The following TCP11L2 variants were observed in gnomAD, a reference collection of about 807,000 sequenced individuals.
The protein encoded by TCP11L2 is T-complex protein 11-like protein 2.
Under a neutral mutation model 50.7 loss-of-function variants are expected in TCP11L2, and 39 were observed. The ratio of observed to expected loss-of-function variants is 0.77; its 90% CI spans 0.60 to 1.01. The LOEUF (loss-of-function observed/expected upper bound fraction) is 1.01, where lower values mean the gene tolerates loss of function less well. TCP11L2 is among the 50% of genes least tolerant of loss of function. TCP11L2 has a pLI of 0.00. For missense variants in TCP11L2, 612 were observed against 614.7 expected (o/e 1.00, Z 0.05); for synonymous variants, 192 against 219.3 (o/e 0.88, Z 1.10).
intron 3 of TCP11L2, among the ~76,000 whole-genome samples, chr12:106,315,109 G>A (rs371998884): frequency 1.1e-4 from 16 of 152,008 alleles, no homozygotes; most frequent in Admixed American, 4.6e-4. Flanking sequence ...GTGGTGGGGC[G>A]CGTGTAATCC....
intron 2 of TCP11L2, among the ~76,000 whole-genome samples, chr12:106,314,120 C>T (rs1430677700): frequency 6.6e-6 from 1 of 152,038 alleles, no homozygotes. Context: ...ATAAGTTGGT[C>T]TCATAAATAT....
rs946673630 is a variant in TCP11L2 at position 106,346,958 on chromosome 12, A to G, written c.*428A>G. ...TAAAGGGTTGAAGGTTGTGACAATA[A>G]CTGAGGGAACTGATGTTCTGAATAA... On this transcript the variant is annotated 3_prime_UTR_variant, in exon 10 of 10. Transcript: ENST00000299045. 2 of 155,322 alleles carry G rather than the reference A, an allele frequency of 1.3e-5. No individual in the cohort carries two copies. Among genetic ancestry groups the G allele is most frequent in the African/African-American group, 4.8e-5 (2 of 41,566 alleles). 9.6% of individuals were successfully genotyped at this position (155,322 alleles called of 1,614,324 possible).
intron 8 of TCP11L2, among the ~76,000 whole-genome samples, chr12:106,337,044 A>G (rs1034627125): frequency 2.0e-5 from 3 of 146,478 alleles, no homozygotes; most frequent in Admixed American, 7.0e-5. Flanking sequence ...TTTTGCATTT[A>G]CATCATCCAA....
upstream of TCP11L2, among the ~76,000 whole-genome samples, chr12:106,300,834 T>C (rs980198083): frequency 7.2e-5 from 11 of 152,212 alleles, no homozygotes; most frequent in African/African-American, 2.2e-4. Context: ...GAGCTACATA[T>C]CTGAACTTTA....
At chr12:106,328,475 C>A (rs1184793981) in intron 6 of TCP11L2, among the ~76,000 whole-genome samples, 1 of 152,130 alleles carries the variant, frequency 6.6e-6, no homozygotes, top group African/African-American at 2.4e-5. Flanking sequence ...ACCTGGGAGG[C>A]GGAGGCTGCA....
rs1410135945 is a variant in TCP11L2, at chr12:106,346,485, T to C, written c.1515T>C (p.Asn505=). 6.2e-7 allele frequency: 1 copy of C among 1,613,990 alleles called. No homozygotes were observed. The highest frequency in any genetic ancestry group is 8.5e-7 in the Non-Finnish European group (1 of 1,180,008). The change falls in exon 10 of 10, where the codon AAT becomes AAC. Residue 505 remains asparagine (N), a synonymous_variant. Coordinates refer to ENST00000299045, the MANE Select transcript of TCP11L2 (RefSeq NM_152772.3). The stretch of plus-strand genomic sequence containing the variant: ...ATATACTTCGAAAGCTGCTCTTCAA[T>C]GAGGAAGCCATGGGGAAGGTAGATG... ...YANILRKLLF[N]EEAMGKVDAS...
intron 8 of TCP11L2, among the ~76,000 whole-genome samples, chr12:106,339,560 C>T (rs2036028330): frequency 6.6e-6 from 1 of 152,156 alleles, no homozygotes; most frequent in South Asian, 2.1e-4. Flanking sequence ...AGGCCTATGT[C>T]CATAATGGTG....
chr12:106,346,212 A>T, intron 9 of TCP11L2, 74 bp from the exon 10 acceptor site: 1 of 1,463,880 alleles, frequency 6.8e-7, no homozygotes, highest in Non-Finnish European at 9.2e-7. Context: ...ACCTACTACA[A>T]TTACTTGTTC....
At chr12:106,313,976 C>T (rs944958668) in intron 2 of TCP11L2, among the ~76,000 whole-genome samples, 4 of 152,054 alleles carry the variant, frequency 2.6e-5, no homozygotes, top group Non-Finnish European at 5.9e-5. Flanking sequence ...CCGTGTTAAC[C>T]AGGATGGTCT....
At chr12:106,319,494 A>G (rs2035257500) in intron 4 of TCP11L2, among the ~76,000 whole-genome samples, 1 of 152,236 alleles carries the variant, frequency 6.6e-6, no homozygotes, top group Non-Finnish European at 1.5e-5. Flanking sequence ...AGGCTGGAAA[A>G]ATAGTGCCAT....
chr12:106,311,139 C>A lies in TCP11L2; in HGVS notation c.64C>A (p.Arg22=). Residue 22 remains arginine (R), a synonymous_variant, in exon 2 of 10, where the codon CGG becomes AGG. Transcript: ENST00000299045. Reference sequence around the variant, plus strand: ...CCAGCCAAGCGATTCTGATTCTTCCCGGTTTTCCGAAAGCATGGCTTCGCT... The same window carrying A: ...CCAGCCAAGCGATTCTGATTCTTCCAGGTTTTCCGAAAGCATGGCTTCGCT... ...EDQPSDSDSS[R]FSESMASLSD... 1 of 1,614,172 alleles carries A rather than the reference C, an allele frequency of 6.2e-7. No homozygotes were observed. The highest frequency in any genetic ancestry group is 8.5e-7 in the Non-Finnish European group (1 of 1,180,034).
chr12:106,333,740 G>T (rs1035992663), intron 6 of TCP11L2, among the ~76,000 whole-genome samples: 4 of 152,056 alleles, frequency 2.6e-5, no homozygotes, highest in Admixed American at 1.3e-4. Flanking sequence ...TCTTACTATT[G>T]TCTATAGTCT....
chr12:106,310,865 G>A (rs1592930375), intron 1 of TCP11L2, among the ~76,000 whole-genome samples, 176 bp from the exon 2 acceptor site: 1 of 152,188 alleles, frequency 6.6e-6, no homozygotes, highest in South Asian at 2.1e-4. Flanking sequence ...AGGCAATCTC[G>A]ATGACCTAGT....
chr12:106,318,997 C>T (rs905432999), intron 4 of TCP11L2, among the ~76,000 whole-genome samples: 3 of 151,948 alleles, frequency 2.0e-5, no homozygotes, highest in Middle Eastern at 3.2e-3. Flanking sequence ...CTGCAAGCTC[C>T]GCTTCCCGGG....
At chr12:106,300,172 G>T (rs985795060), upstream of TCP11L2, among the ~76,000 whole-genome samples, 3 of 143,802 alleles carry the variant, frequency 2.1e-5, no homozygotes, top group Admixed American at 1.4e-4. Context: ...AGATTTTGTT[G>T]TTTTTTTTTT....
At chr12:106,314,516 A>T in intron 3 of TCP11L2, 23 bp downstream of exon 3, 1 of 1,595,582 alleles carries the variant, frequency 6.3e-7, no homozygotes. Context: ...CATTTGTTGT[A>T]TATAAACTGC....
At position 106,323,513 on chromosome 12, in the gene TCP11L2, A is replaced by G. The variant is rs756821064; in HGVS notation, c.639A>G (p.Gln213=). 6.9e-6 allele frequency: 11 copies of G among 1,589,072 alleles called. No individual in the cohort carries two copies. The highest frequency in any genetic ancestry group is 4.1e-5 in the African/African-American group (3 of 73,880). Residue 213 remains glutamine, a synonymous_variant, in exon 6 of 10, where the codon CAA becomes CAG. Transcript: ENST00000299045. ...ATGNIVEVLR[Q]IFHVLDLMQM... is the part of the protein sequence containing the mutation. The stretch of plus-strand genomic sequence containing the variant: ...ATTTTAATTCTAAAATTTTTAGACA[A>G]ATATTCCATGTCCTGGACCTCATGC...
chr12:106,311,373 C>T (rs1052370679), intron 2 of TCP11L2, 141 bp downstream of exon 2: 14 of 941,880 alleles, frequency 1.5e-5, no homozygotes, highest in Admixed American at 3.0e-5. Flanking sequence ...AGAGGCACTG[C>T]AGCTTTCCGG....
At chr12:106,314,335 A>C in intron 2 of TCP11L2, 23 bp from the exon 3 acceptor site, 1 of 1,592,098 alleles carries the variant, frequency 6.3e-7, no homozygotes, top group Non-Finnish European at 8.6e-7. Flanking sequence ...TGCAACATTA[A>C]CTGGCTTTTG....
Sources: allele counts gnomAD v4.1 joint callset (sites outside exome capture counted in the v4.1 genomes callset), GRCh38; gene constraint gnomAD v4.1.1; transcripts MANE v1.5; gene names NCBI Gene and HGNC (gene_info 2026-07-23, HGNC 2026-07-21).